ERC2: variants seen among roughly 807,000 people sequenced by gnomAD.
ERC2 encodes ERC protein 2.
ERC2 carries 42 observed loss-of-function variants against 114.8 expected under a neutral mutation model. The observed-to-expected ratio is 0.37, with a 90% confidence interval of 0.29 to 0.47. The LOEUF is 0.47. Ranked by LOEUF, ERC2 falls within the 20% of genes least tolerant of loss-of-function variation. ERC2 has a pLI of 0.99. For synonymous variants in ERC2, 454 were observed against 425.5 expected (o/e 1.07, Z -0.82); for missense variants, 939 against 1,150.7 (o/e 0.82, Z 2.66).
intron 5 of ERC2, 67 bp downstream of exon 5, chr3:56,148,910 G>A: frequency 1.4e-6 from 2 of 1,420,948 alleles, no homozygotes; most frequent in Non-Finnish European, 9.7e-7. Context: ...TTTGGAAAAA[G>A]TATGTATGTA....
At chr3:56,191,092 G>T (rs562843022) in intron 3 of ERC2, among the ~76,000 whole-genome samples, 25 of 152,252 alleles carry the variant, frequency 1.6e-4, no homozygotes, top group African/African-American at 5.8e-4. Context: ...TAACAGAGAG[G>T]CAACCTGAGC....
At chr3:55,516,758 C>T (rs1039456063) in intron 17 of ERC2, among the ~76,000 whole-genome samples, 39 of 152,270 alleles carry the variant, frequency 2.6e-4, no homozygotes, top group African/African-American at 9.4e-4. Flanking sequence ...GCTATGTCTC[C>T]GTAGGATTTA....
At chr3:55,942,327 C>A (rs1367573901) in intron 13 of ERC2, among the ~76,000 whole-genome samples, 1 of 126,276 alleles carries the variant, frequency 7.9e-6, no homozygotes, top group Non-Finnish European at 1.6e-5. Context: ...CTCGCTCTGT[C>A]GCCCAGGCTG....
chr3:56,188,111 G>A (rs924342710), intron 3 of ERC2, among the ~76,000 whole-genome samples: 6 of 152,124 alleles, frequency 3.9e-5, no homozygotes, highest in Admixed American at 6.5e-5. Flanking sequence ...CCACTGCAAG[G>A]ATCCCTGAGG....
At chr3:55,621,300 C>T (rs2059319612) in intron 17 of ERC2, among the ~76,000 whole-genome samples, 1 of 152,138 alleles carries the variant, frequency 6.6e-6, no homozygotes, top group Non-Finnish European at 1.5e-5. Context: ...GCCAGACTTC[C>T]ACATGCATAA....
intron 16 of ERC2, among the ~76,000 whole-genome samples, chr3:55,699,103 C>T (rs2063091399): frequency 6.6e-6 from 1 of 151,938 alleles, no homozygotes. Flanking sequence ...CCATGAGATA[C>T]CGAGCCAGCA....
intron 7 of ERC2, among the ~76,000 whole-genome samples, chr3:56,080,329 AATT>A (rs1379244442): frequency 6.6e-6 from 1 of 152,142 alleles, no homozygotes; most frequent in African/African-American, 2.4e-5. Flanking sequence ...TGTGGCTGGG[AATT>A]ATTATACATT....
At chr3:56,343,167 T>TTCTC (rs1160068173) in intron 2 of ERC2, among the ~76,000 whole-genome samples, 3 of 135,350 alleles carry the variant, frequency 2.2e-5, no homozygotes, top group East Asian at 4.2e-4. Flanking sequence ...CTCTCTCTCT[T>TTCTC]TCTCTCTCTC....
chr3:55,796,344 A>C (rs533244635), intron 14 of ERC2, among the ~76,000 whole-genome samples: 7 of 152,374 alleles, frequency 4.6e-5, no homozygotes, highest in African/African-American at 1.7e-4. Context: ...GATCCAAGAC[A>C]CAAAAAGACT....
At chr3:56,050,995 T>C (rs1576715677) in intron 7 of ERC2, among the ~76,000 whole-genome samples, 1 of 152,202 alleles carries the variant, frequency 6.6e-6, no homozygotes, top group Admixed American at 6.5e-5. Context: ...GAAACTCATA[T>C]AAGGATTTCA....
At chr3:55,620,451 A>G (rs944989467) in intron 17 of ERC2, among the ~76,000 whole-genome samples, 1 of 152,200 alleles carries the variant, frequency 6.6e-6, no homozygotes. Flanking sequence ...CAGACCCTGG[A>G]GCGAGCCCTA....
At chr3:56,160,655 A>G (rs2081994631) in intron 4 of ERC2, among the ~76,000 whole-genome samples, 1 of 152,180 alleles carries the variant, frequency 6.6e-6, no homozygotes, top group African/African-American at 2.4e-5. Flanking sequence ...AGCTTTATAC[A>G]TATAGTGAAA....
chr3:55,598,167 A>G (rs1271229630), intron 17 of ERC2, among the ~76,000 whole-genome samples: 1 of 152,240 alleles, frequency 6.6e-6, no homozygotes, highest in Non-Finnish European at 1.5e-5. Context: ...TTCTGTTACT[A>G]TTATATAGAT....
intron 14 of ERC2, among the ~76,000 whole-genome samples, chr3:55,857,244 A>G (rs937349731): frequency 1.5e-4 from 23 of 152,224 alleles, no homozygotes; most frequent in African/African-American, 5.5e-4. Flanking sequence ...CAGGGAAGAC[A>G]CTATTTAGCT....
At chr3:56,111,974 T>C (rs1408988957) in intron 6 of ERC2, among the ~76,000 whole-genome samples, 1 of 152,226 alleles carries the variant, frequency 6.6e-6, no homozygotes, top group East Asian at 1.9e-4. Flanking sequence ...TCTGTACTAA[T>C]TCTCTGTAAC....
At chr3:56,374,565 T>G (rs777267887) in intron 2 of ERC2, among the ~76,000 whole-genome samples, 1 of 152,212 alleles carries the variant, frequency 6.6e-6, no homozygotes. Flanking sequence ...GTTCCATCAT[T>G]ATCTCCATTT....
intron 3 of ERC2, among the ~76,000 whole-genome samples, chr3:56,271,299 C>G (rs1199096191): frequency 6.6e-6 from 1 of 152,128 alleles, no homozygotes; most frequent in Non-Finnish European, 1.5e-5. Flanking sequence ...GTTGGTCATC[C>G]TACAGGAGCA....
chr3:55,590,182 T>A (rs2057804350), intron 17 of ERC2, among the ~76,000 whole-genome samples: 1 of 151,916 alleles, frequency 6.6e-6, no homozygotes, highest in South Asian at 2.1e-4. Flanking sequence ...CTAAGTGAAG[T>A]AAAAAGTAAA....
At chr3:55,769,381 G>T (rs2068039505) in intron 14 of ERC2, among the ~76,000 whole-genome samples, 1 of 151,944 alleles carries the variant, frequency 6.6e-6, no homozygotes. Context: ...ATTCTTCAGG[G>T]ATGGCCTCTT....
Sources: allele counts gnomAD v4.1 joint callset (sites outside exome capture counted in the v4.1 genomes callset), GRCh38; gene constraint gnomAD v4.1.1; transcripts MANE v1.5; gene names NCBI Gene and HGNC (gene_info 2026-07-23, HGNC 2026-07-21).